RAPGEF6: variants seen among roughly 807,000 people sequenced by gnomAD.
The protein encoded by RAPGEF6 is Rap guanine nucleotide exchange factor 6.
Under a neutral mutation model 171.4 loss-of-function variants are expected in RAPGEF6, and 56 were observed. That is an observed-to-expected ratio of 0.33 (90% CI 0.26 to 0.41). RAPGEF6 has a LOEUF of 0.41. RAPGEF6 is among the 10% of genes least tolerant of loss of function. RAPGEF6 has a pLI of 1.00. For missense variants in RAPGEF6, 1,674 were observed against 1,921.4 expected (o/e 0.87, Z 2.41); for synonymous variants, 692 against 650.1 (o/e 1.06, Z -0.98).
chr5:131,558,394 G>A (rs769938724), intron 5 of RAPGEF6, among the ~76,000 whole-genome samples: 5 of 151,648 alleles, frequency 3.3e-5, no homozygotes, highest in Non-Finnish European at 4.4e-5. Flanking sequence ...TATCTTTGAC[G>A]GGTTTATCAA....
At chr5:131,477,063 T>A (rs1299182715) in intron 16 of RAPGEF6, among the ~76,000 whole-genome samples, 1 of 148,352 alleles carries the variant, frequency 6.7e-6, no homozygotes, top group African/African-American at 2.4e-5. Flanking sequence ...GTTTTAGTGA[T>A]TTTTTTTTCC....
intron 1 of RAPGEF6, among the ~76,000 whole-genome samples, chr5:131,618,462 T>A (rs1459667191): frequency 1.3e-5 from 2 of 151,534 alleles, no homozygotes; most frequent in Non-Finnish European, 2.9e-5. Flanking sequence ...GGAAACCCCA[T>A]CTCTACTTTA....
chr5:131,445,956 C>T (rs1752665018), intron 22 of RAPGEF6, among the ~76,000 whole-genome samples: 1 of 151,944 alleles, frequency 6.6e-6, no homozygotes, highest in South Asian at 2.1e-4. Context: ...CATTCTCTTG[C>T]TTGTATTTAA....
At chr5:131,436,469 C>G (rs1385729983) in intron 24 of RAPGEF6, 2 of 1,190,802 alleles carry the variant, frequency 1.7e-6, no homozygotes, top group Non-Finnish European at 1.1e-6. Context: ...ATTCTAACAT[C>G]TTGATAATAT....
rs1273886471 is a variant in RAPGEF6 at position 131,427,262 on chromosome 5, A to C, written c.*4T>G. 38 of 1,609,396 alleles carry C rather than the reference A, an allele frequency of 2.4e-5. No individual in the cohort carries two copies. The highest frequency in any genetic ancestry group is 3.1e-5 in the Non-Finnish European group (36 of 1,175,880). ...CAGTGGTTTTCAAATAGGTCATCCA[A>C]AGGCTAGACTGCTGAAACTTGTTCA... On this transcript the variant is annotated 3_prime_UTR_variant, in exon 28 of 28. Transcript: ENST00000509018.
chr5:131,526,944 G>T (rs80282067), intron 6 of RAPGEF6, among the ~76,000 whole-genome samples: 46 of 152,136 alleles, frequency 3.0e-4, no homozygotes, highest in Admixed American at 1.2e-3. Context: ...ATATATAGAG[G>T]GGGGTGGGGA....
chr5:131,496,656 A>G (rs1756659477), intron 12 of RAPGEF6, among the ~76,000 whole-genome samples: 1 of 152,224 alleles, frequency 6.6e-6, no homozygotes. Flanking sequence ...TAATGTTTTC[A>G]AGGTTCATCA....
At chr5:131,530,068 T>C (rs543031727) in intron 6 of RAPGEF6, among the ~76,000 whole-genome samples, 2 of 150,904 alleles carry the variant, frequency 1.3e-5, no homozygotes, top group South Asian at 4.2e-4. Context: ...GCACCACACC[T>C]GGCTAATTTT....
At chr5:131,471,072 A>G (rs1754704291) in intron 17 of RAPGEF6, among the ~76,000 whole-genome samples, 1 of 152,228 alleles carries the variant, frequency 6.6e-6, no homozygotes, top group African/African-American at 2.4e-5. Context: ...CCTTTCCGGT[A>G]AATAGTTTAA....
chr5:131,489,764 C>G, intron 14 of RAPGEF6, 110 bp from the exon 15 acceptor site: 1 of 555,202 alleles, frequency 1.8e-6, no homozygotes. Context: ...AAAATGTACT[C>G]CTATGTGAAC....
At chr5:131,513,876 G>A (rs910749120) in intron 7 of RAPGEF6, among the ~76,000 whole-genome samples, 4 of 151,744 alleles carry the variant, frequency 2.6e-5, no homozygotes, top group Admixed American at 6.6e-5. Flanking sequence ...GGGTGTGGTG[G>A]CATTAGCCGG....
intron 15 of RAPGEF6, among the ~76,000 whole-genome samples, chr5:131,488,582 GAC>G (rs1306482182): frequency 6.6e-6 from 1 of 152,030 alleles, no homozygotes; most frequent in Non-Finnish European, 1.5e-5. Flanking sequence ...ATTGCCAATT[GAC>G]AGTTTACCAG....
chr5:131,629,471 C>G (rs1000298190), intron 1 of RAPGEF6, among the ~76,000 whole-genome samples: 11 of 151,148 alleles, frequency 7.3e-5, no homozygotes, highest in Non-Finnish European at 1.6e-4. Flanking sequence ...AGCAAGAGAA[C>G]TAGAATTAGA....
chr5:131,632,783 T>C (rs149804302), intron 1 of RAPGEF6, among the ~76,000 whole-genome samples: 115 of 152,322 alleles, frequency 7.5e-4, no homozygotes, highest in South Asian at 6.2e-3. Flanking sequence ...AAACAAATCA[T>C]CACTAGGATT....
intron 17 of RAPGEF6, among the ~76,000 whole-genome samples, chr5:131,471,010 G>C (rs1223703909): frequency 6.6e-6 from 1 of 152,192 alleles, no homozygotes; most frequent in Admixed American, 6.5e-5. Flanking sequence ...GCCAAGAACT[G>C]AATCCAGTTT....
In RAPGEF6 at chr5:131,503,954, C is replaced by T. The variant is rs3776020; in HGVS notation, c.1254+672G>A. Among the ~76,000 whole-genome samples the T allele has an allele frequency of 8.8e-4, 134 of 152,270 alleles. No individual in the cohort carries two copies. In the East Asian group the frequency reaches 0.01, roughly 12 times the overall value. ...ACAGAGATCCAGAAGCACTCTGCAT[C>T]TTAATCTAGGATTACTTATGCTTTT... On this transcript the variant is annotated intron_variant, in intron 11 of 27. Coordinates refer to ENST00000509018, the MANE Select transcript of RAPGEF6 (RefSeq NM_016340.6).
At chr5:131,593,977 C>T (rs543641995) in intron 3 of RAPGEF6, among the ~76,000 whole-genome samples, 1 of 152,292 alleles carries the variant, frequency 6.6e-6, no homozygotes, top group Admixed American at 6.5e-5. Flanking sequence ...TTCAAGCCCG[C>T]TGCAGAAATG....
In RAPGEF6 at chr5:131,433,281, G is replaced by T. The variant is rs978624503; in HGVS notation, c.3974+149C>A. ...AACATAGTGCTTATTTACATATTCA[G>T]AATAGAGAATATGTGCTTGGCCCAC... On this transcript the variant is annotated intron_variant, in intron 25 of 27. Transcript: ENST00000509018. 2.5e-5 allele frequency: 16 copies of T among 647,408 alleles called. No homozygotes were observed. The African/African-American group carries it at 2.5e-4, about 10-fold the overall frequency. 40.1% of individuals were successfully genotyped at this position (647,408 alleles called of 1,614,324 possible).
intron 5 of RAPGEF6, among the ~76,000 whole-genome samples, chr5:131,549,922 G>A (rs1760812937): frequency 6.6e-6 from 1 of 152,060 alleles, no homozygotes; most frequent in African/African-American, 2.4e-5. Flanking sequence ...ATGTGTCCAT[G>A]TGTTCTCATC....
Sources: gnomAD v4.1 joint callset for allele counts (sites outside exome capture counted in the v4.1 genomes callset) on GRCh38, gnomAD v4.1.1 for gene constraint, MANE v1.5 for transcripts, NCBI Gene and HGNC (gene_info 2026-07-23, HGNC 2026-07-21) for gene names.